Variants in HCN1 observed in about 807,000 individuals in gnomAD.
HCN1 encodes potassium/sodium hyperpolarization-activated cyclic nucleotide-gated channel 1.
A neutral mutation model predicts 78.9 loss-of-function variants in HCN1; 13 were observed. The ratio of observed to expected loss-of-function variants is 0.16; its 90% confidence interval spans 0.11 to 0.26. HCN1 has a LOEUF of 0.26. HCN1 is among the 10% of genes least tolerant of loss of function. The pLI is 1.00. For missense variants in HCN1, 810 were observed against 1,154.3 expected (o/e 0.70, Z 4.32); for synonymous variants, 552 against 455.5 (o/e 1.21, Z -2.70).
intron 4 of HCN1, among the ~76,000 whole-genome samples, chr5:45,354,487 C>A (rs1036588413): frequency 6.6e-6 from 1 of 151,952 alleles, no homozygotes; most frequent in African/African-American, 2.4e-5. Context: ...GATAACACAG[C>A]TCTGACTAGA....
chr5:45,264,142 C>G (rs1744807310), intron 7 of HCN1, among the ~76,000 whole-genome samples: 1 of 152,166 alleles, frequency 6.6e-6, no homozygotes, highest in Non-Finnish European at 1.5e-5. Context: ...ACTTTATGAT[C>G]TTTCCTCTTC....
At chr5:45,400,600 G>A (rs1002587466) in intron 3 of HCN1, among the ~76,000 whole-genome samples, 1 of 151,566 alleles carries the variant, frequency 6.6e-6, no homozygotes, top group African/African-American at 2.4e-5. Context: ...CATGTTGGTC[G>A]TACTGGTCTC....
intron 2 of HCN1, among the ~76,000 whole-genome samples, chr5:45,607,669 T>C (rs951170154): frequency 1.3e-5 from 2 of 150,862 alleles, no homozygotes; most frequent in Admixed American, 1.3e-4. Context: ...AGAAAGGGTA[T>C]TCAATACAAA....
chr5:45,695,875 G>GCCGCCGCCGCCGCCGCCA lies in HCN1; in HGVS notation c.201_218dup (p.Gly69_Gly74dup), dbSNP rs774065762. The GCCGCCGCCGCCGCCGCCA allele has an allele frequency of 6.6e-7, 1 of 1,513,392 alleles. No homozygotes were observed. Among genetic ancestry groups the GCCGCCGCCGCCGCCGCCA allele is most frequent in the Non-Finnish European group, 8.8e-7 (1 of 1,130,180 alleles). The allele number at this position is 1,513,392 out of a possible 1,614,324, so 93.7% of individuals were successfully genotyped here. ...CGAAGCCCCCCGCCGGCTCCTCGCC[G>GCCGCCGCCGCCGCCGCCA]CCGCCGCCGCCGCCGCCACCGCCGC... On this transcript the variant is annotated inframe_insertion, in exon 1 of 8. Transcript: ENST00000303230.
At chr5:45,548,799 C>G (rs1561197081) in intron 2 of HCN1, among the ~76,000 whole-genome samples, 3 of 152,082 alleles carry the variant, frequency 2.0e-5, no homozygotes. Context: ...TCAGCAAAGT[C>G]TCAGGATACA....
At chr5:45,580,826 A>T (rs1451187972) in intron 2 of HCN1, among the ~76,000 whole-genome samples, 1 of 152,106 alleles carries the variant, frequency 6.6e-6, no homozygotes, top group Non-Finnish European at 1.5e-5. Flanking sequence ...GCTGAGAATG[A>T]TGGCTTCCAG....
At chr5:45,660,632 A>C (rs1309962236) in intron 1 of HCN1, among the ~76,000 whole-genome samples, 2 of 151,454 alleles carry the variant, frequency 1.3e-5, no homozygotes, top group Non-Finnish European at 2.9e-5. Flanking sequence ...ATGGAAAACA[A>C]AAAAAGGCAG....
intron 3 of HCN1, among the ~76,000 whole-genome samples, chr5:45,454,346 CAAAGGAG>C (rs1024893012): frequency 4.6e-5 from 7 of 151,864 alleles, no homozygotes; most frequent in African/African-American, 1.7e-4. Context: ...GACAGGACAG[CAAAGGAG>C]AATCGCAACA....
chr5:45,372,051 A>C (rs1449370342), intron 4 of HCN1, among the ~76,000 whole-genome samples: 1 of 56,564 alleles, frequency 1.8e-5, no homozygotes, highest in East Asian at 7.4e-4. Flanking sequence ...TATTATATAT[A>C]TAATATAATT....
chr5:45,400,168 A>G (rs1739763284), intron 3 of HCN1, among the ~76,000 whole-genome samples: 1 of 151,964 alleles, frequency 6.6e-6, no homozygotes, highest in African/African-American at 2.4e-5. Flanking sequence ...GAAATAATAA[A>G]AAGTTCAATG....
chr5:45,601,815 G>A (rs1471385698), intron 2 of HCN1, among the ~76,000 whole-genome samples: 1 of 152,122 alleles, frequency 6.6e-6, no homozygotes, highest in Non-Finnish European at 1.5e-5. Flanking sequence ...CTTATGGGCT[G>A]GATTGTGTCC....
At chr5:45,576,935 T>C (rs1371962554) in intron 2 of HCN1, among the ~76,000 whole-genome samples, 1 of 152,052 alleles carries the variant, frequency 6.6e-6, no homozygotes, top group Non-Finnish European at 1.5e-5. Flanking sequence ...GGAGGTATGC[T>C]AAGGCTTTTA....
At chr5:45,550,499 G>A (rs181643778) in intron 2 of HCN1, among the ~76,000 whole-genome samples, 1 of 152,226 alleles carries the variant, frequency 6.6e-6, no homozygotes, top group Admixed American at 6.5e-5. Context: ...CCTATTGTGG[G>A]GTTGGGGCAC....
At chr5:45,281,625 G>A in intron 6 of HCN1, among the ~76,000 whole-genome samples, 1 of 109,800 alleles carries the variant, frequency 9.1e-6, no homozygotes, top group Non-Finnish European at 1.7e-5. Flanking sequence ...GTCTCACTCT[G>A]TTGCCGGGCT....
At chr5:45,645,050 GAA>G (rs1745522755) in intron 2 of HCN1, 133 bp downstream of exon 2, 3 of 655,552 alleles carry the variant, frequency 4.6e-6, no homozygotes, top group Non-Finnish European at 7.8e-6. Flanking sequence ...CTTATGCATG[GAA>G]AAGAGTCGTC....
chr5:45,280,216 C>T (rs942212103), intron 6 of HCN1, among the ~76,000 whole-genome samples: 1 of 152,078 alleles, frequency 6.6e-6, no homozygotes. Context: ...TATTTACTTA[C>T]TATTTTGCAT....
intron 6 of HCN1, among the ~76,000 whole-genome samples, chr5:45,281,561 T>C (rs1419493776): frequency 6.8e-6 from 1 of 146,062 alleles, no homozygotes; most frequent in Non-Finnish European, 1.5e-5. Context: ...ACAAAAAATA[T>C]ACAAGAGCTC....
intron 5 of HCN1, among the ~76,000 whole-genome samples, chr5:45,350,192 C>T (rs1384743605): frequency 2.6e-5 from 4 of 152,156 alleles, no homozygotes; most frequent in Non-Finnish European, 5.9e-5. Context: ...AAGTGGGCTT[C>T]ATCCCTGGGA....
At chr5:45,513,900 CATAATG>C (rs1347538792) in intron 2 of HCN1, among the ~76,000 whole-genome samples, 1 of 152,042 alleles carries the variant, frequency 6.6e-6, no homozygotes, top group African/African-American at 2.4e-5. Flanking sequence ...CAAGAATTTC[CATAATG>C]ATAAACATTT....
Sources: gnomAD v4.1 joint callset for allele counts (sites outside exome capture counted in the v4.1 genomes callset) on GRCh38, gnomAD v4.1.1 for gene constraint, MANE v1.5 for transcripts, NCBI Gene and HGNC (gene_info 2026-07-23, HGNC 2026-07-21) for gene names.